Variants in DNA2 observed in about 807,000 individuals in gnomAD.
DNA2 encodes the protein DNA replication ATP-dependent helicase/nuclease DNA2.
Under a neutral mutation model 119.1 loss-of-function variants are expected in DNA2, and 101 were observed. The observed-to-expected ratio is 0.85, with a 90% CI of 0.72 to 1.00. The LOEUF is 1.00. DNA2 is among the 50% of genes least tolerant of loss of function. The probability of loss-of-function intolerance (pLI) is 0.00; values close to 1 mark genes in which losing one functional copy is unlikely to be tolerated. For missense variants in DNA2, 1,121 were observed against 1,255.5 expected (o/e 0.89, Z 1.62); for synonymous variants, 366 against 424.4 (o/e 0.86, Z 1.69).
intron 9 of DNA2, among the ~76,000 whole-genome samples, chr10:68,438,247 C>T (rs999129636): frequency 6.6e-6 from 1 of 152,088 alleles, no homozygotes; most frequent in Non-Finnish European, 1.5e-5. Flanking sequence ...TAGCCAGGCG[C>T]GGTGGCTCAC....
chr10:68,443,822 A>C (rs1177601353), intron 8 of DNA2, among the ~76,000 whole-genome samples: 1 of 151,812 alleles, frequency 6.6e-6, no homozygotes, highest in African/African-American at 2.4e-5. Flanking sequence ...GTGGTGGCGG[A>C]TGCCTGTAGT....
At chr10:68,418,429 G>T (rs917845773) in intron 19 of DNA2, among the ~76,000 whole-genome samples, 1 of 146,564 alleles carries the variant, frequency 6.8e-6, no homozygotes, top group Non-Finnish European at 1.5e-5. Context: ...AAAAAAAAAA[G>T]TAAGATGTAT....
At position 68,457,083 on chromosome 10, in the gene DNA2, A is replaced by G. The variant is rs184443830; in HGVS notation, c.719+2021T>C. Among the ~76,000 whole-genome samples the G allele has an allele frequency of 2.8e-3, 419 of 151,582 alleles. 1 individual carries two copies. The highest frequency in any genetic ancestry group is 7.8e-3 in the African/African-American group (324 of 41,348). On this transcript the variant is annotated intron_variant, in intron 5 of 20. Transcript: ENST00000358410. ...CGGGAGGCGGAGGTTGCAGTGAGCC[A>G]AGATCGCGCCACTGCACTCCAGCCT...
intron 6 of DNA2, 51 bp downstream of exon 6, chr10:68,449,973 CAAAA>C (rs57883442): frequency 1.3e-3 from 1,279 of 970,144 alleles, no homozygotes; most frequent in Non-Finnish European, 1.4e-3. Context: ...GACTCTGTCT[CAAAA>C]AAAAAAAAAA....
chr10:68,443,212 C>T lies in DNA2; in HGVS notation c.1221-101G>A, dbSNP rs934612880. The T allele has an allele frequency of 5.1e-6, 5 of 984,762 alleles. No individual in the cohort carries two copies. The African/African-American group carries it at 8.2e-5, about 16-fold the overall frequency. The allele number at this position is 984,762 out of a possible 1,614,324, so 61.0% of individuals were successfully genotyped here. On this transcript the variant is annotated intron_variant, in intron 8 of 20. Transcript: ENST00000358410. ...ATAAGAACACATATATGATCATCAT[C>T]ATAACTCATAACCACAGCCCCTAAT...
At chr10:68,460,851 C>T (rs559454930) in intron 4 of DNA2, among the ~76,000 whole-genome samples, 3 of 151,328 alleles carry the variant, frequency 2.0e-5, no homozygotes, top group African/African-American at 7.3e-5. Context: ...TTTGAGGTTA[C>T]GTGACCTGTG....
intron 6 of DNA2, 97 bp from the exon 7 acceptor site, chr10:68,446,510 C>A: frequency 1.3e-6 from 1 of 746,418 alleles, no homozygotes; most frequent in Non-Finnish European, 2.2e-6. Flanking sequence ...CTCAAAAGAT[C>A]AATAAAGTTA....
At position 68,422,872 on chromosome 10, in the gene DNA2, A is replaced by C. The variant is rs965820996; in HGVS notation, c.2227T>G (p.Cys743Gly). Residue 743 changes from cysteine (C) to glycine (G), a missense_variant, in exon 15 of 21, where the codon TGT becomes GGT. By Grantham distance (159) the Cys-to-Gly change is radical. Coordinates refer to ENST00000358410, the MANE Select transcript of DNA2 (RefSeq NM_001080449.3). ...AATATTGGATGGTTTATTCCCATAC[A>C]TGTTGTTGCAACTATAAGCTAAAAA... ...YNSQLIVATT[C>G]MGINHPIFSR... 3 of 1,580,718 alleles carry C rather than the reference A, an allele frequency of 1.9e-6. No homozygotes were observed. Among genetic ancestry groups the C allele is most frequent in the Middle Eastern group, 1.7e-4 (1 of 5,884 alleles).
At chr10:68,420,299 G>A (rs968163587) in intron 17 of DNA2, among the ~76,000 whole-genome samples, 3 of 152,222 alleles carry the variant, frequency 2.0e-5, no homozygotes, top group Non-Finnish European at 2.9e-5. Context: ...AGCACTTTGG[G>A]AGGCTGAGGC....
rs574169301 is a variant in DNA2 at position 68,422,400 on chromosome 10, G to A, written c.2522C>T (p.Thr841Ile). 9.3e-6 allele frequency: 15 copies of A among 1,613,818 alleles called. No individual in the cohort carries two copies. The highest frequency in any genetic ancestry group is 8.9e-5 in the East Asian group (4 of 44,872). ...TCCACACTCCAGCTTGCCCTCATAG[G>A]TCAGCTTATTACTTAAGGACATAAT... ...SKIMSLSNKL[T>I]YEGKLECGSD... The change falls in exon 17 of 21, where the codon ACC becomes ATC. Residue 841 changes from threonine (T) to isoleucine (I), a missense_variant. Coordinates refer to ENST00000358410, the MANE Select transcript of DNA2 (RefSeq NM_001080449.3).
Position 68,430,676 on chromosome 10 carries a change from A to G in DNA2, c.1984-16T>C. Reference sequence around the variant, plus strand: ...GAATTCTTACCTAATAATGGGTAAGAGAAAAAAGAAAAAACAGCCTTACTT... The same window carrying G: ...GAATTCTTACCTAATAATGGGTAAGGGAAAAAAGAAAAAACAGCCTTACTT... On this transcript the variant is annotated splice_polypyrimidine_tract_variant and intron_variant, in intron 13 of 20. Coordinates refer to ENST00000358410, the MANE Select transcript of DNA2 (RefSeq NM_001080449.3). The G allele has an allele frequency of 6.7e-7, 1 of 1,487,518 alleles. No individual in the cohort carries two copies. Among genetic ancestry groups the G allele is most frequent in the Non-Finnish European group, 9.0e-7 (1 of 1,108,636 alleles). 92.1% of individuals were successfully genotyped at this position (1,487,518 alleles called of 1,614,324 possible). A position where few individuals can be genotyped will look rare whatever the true frequency, so the allele number is the denominator to read the frequency against.
intron 5 of DNA2, among the ~76,000 whole-genome samples, chr10:68,452,454 G>C (rs1204136103): frequency 6.6e-6 from 1 of 151,944 alleles, no homozygotes; most frequent in Non-Finnish European, 1.5e-5. Flanking sequence ...TATTAAATTA[G>C]GCAAAACTTA....
chr10:68,444,029 G>C (rs2052004575), intron 8 of DNA2, among the ~76,000 whole-genome samples: 1 of 152,162 alleles, frequency 6.6e-6, no homozygotes, highest in African/African-American at 2.4e-5. Context: ...GGCCAAGACA[G>C]GCAGATCACT....
intron 9 of DNA2, among the ~76,000 whole-genome samples, chr10:68,439,485 C>G (rs1414308525): frequency 6.6e-6 from 1 of 151,980 alleles, no homozygotes; most frequent in Non-Finnish European, 1.5e-5. Flanking sequence ...TGGATCACCA[C>G]GAGATCAGGA....
chr10:68,430,776 T>G, intron 13 of DNA2, 116 bp from the exon 14 acceptor site: 2 of 788,360 alleles, frequency 2.5e-6, no homozygotes, highest in Admixed American at 6.1e-5. Context: ...AAGTAAAAAT[T>G]ATGAAGCCAA....
At chr10:68,429,882 A>G (rs865883892) in intron 14 of DNA2, among the ~76,000 whole-genome samples, 2 of 123,648 alleles carry the variant, frequency 1.6e-5, no homozygotes, top group Admixed American at 1.7e-4. Context: ...AAAAACCCGG[A>G]TTTTTTTTTT....
At chr10:68,420,229 C>T (rs897003207) in intron 17 of DNA2, among the ~76,000 whole-genome samples, 3 of 152,088 alleles carry the variant, frequency 2.0e-5, no homozygotes, top group Non-Finnish European at 4.4e-5. Flanking sequence ...TCACAATAAA[C>T]TGTGGCACTA....
intron 14 of DNA2, among the ~76,000 whole-genome samples, chr10:68,428,410 G>A (rs1452991023): frequency 6.7e-6 from 1 of 150,278 alleles, no homozygotes; most frequent in African/African-American, 2.5e-5. Context: ...AAACAGTTTG[G>A]CAGATTAAAA....
Position 68,422,351 on chromosome 10 carries a change from C to G in DNA2, c.2571G>C (p.Val857=). Residue 857 remains valine (V), a synonymous_variant, in exon 17 of 21, where the codon GTG becomes GTC. Transcript: ENST00000358410. ...CATCTTTAAAGTGACGTAGGTTTAT[C>G]ACTGCATTGGCCACTTTGTCTGATC... The part of the protein sequence containing the change: ...ECGSDKVANA[V]INLRHFKDVK... 6.2e-7 allele frequency: 1 copy of G among 1,613,840 alleles called. No homozygotes were observed. The highest frequency in any genetic ancestry group is 1.1e-5 in the South Asian group (1 of 91,068).
Sources: allele counts gnomAD v4.1 joint callset (sites outside exome capture counted in the v4.1 genomes callset), GRCh38; gene constraint gnomAD v4.1.1; transcripts MANE v1.5; gene names NCBI Gene and HGNC (gene_info 2026-07-23, HGNC 2026-07-21).